The following SNTG2 variants were observed in gnomAD, a reference collection of about 807,000 sequenced individuals.
SNTG2 encodes syntrophin gamma 2, also known as gamma-2-syntrophin.
SNTG2 carries 74 observed loss-of-function variants against 70.9 expected under a neutral mutation model. The ratio of observed to expected loss-of-function variants is 1.04; its 90% CI spans 0.86 to 1.27. The LOEUF (loss-of-function observed/expected upper bound fraction) is 1.27. SNTG2 is among the 50% of genes most tolerant of loss of function. SNTG2 has a pLI of 0.00. For synonymous variants in SNTG2, 278 were observed against 273.8 expected (o/e 1.02, Z -0.15); for missense variants, 717 against 690.7 (o/e 1.04, Z -0.43).
At chr2:1,255,878 A>ATAAATG in intron 12 of SNTG2, among the ~76,000 whole-genome samples, 1 of 75,018 alleles carries the variant, frequency 1.3e-5, no homozygotes, top group Non-Finnish European at 2.4e-5. Flanking sequence ...ATATAAATAT[A>ATAAATG]TATATAAATA....
chr2:1,209,282 T>G (rs1307922674), intron 9 of SNTG2, 52 bp downstream of exon 9: 1 of 1,609,928 alleles, frequency 6.2e-7, no homozygotes, highest in African/African-American at 1.3e-5. Flanking sequence ...CGTGCACTTT[T>G]GCCAGTTCCT....
chr2:1,186,810 A>G (rs1232115980), intron 8 of SNTG2, among the ~76,000 whole-genome samples: 1 of 152,204 alleles, frequency 6.6e-6, no homozygotes, highest in Non-Finnish European at 1.5e-5. Context: ...ACAAATCCAA[A>G]CCATATTAAT....
intron 14 of SNTG2, among the ~76,000 whole-genome samples, chr2:1,302,766 T>C (rs1384067705): frequency 2.6e-5 from 4 of 151,982 alleles, no homozygotes; most frequent in Admixed American, 2.6e-4. Flanking sequence ...AAGGTAACCA[T>C]GTAGATGGTT....
At chr2:1,121,950 A>G (rs545616569) in intron 4 of SNTG2, among the ~76,000 whole-genome samples, 14 of 152,362 alleles carry the variant, frequency 9.2e-5, no homozygotes, top group Admixed American at 4.6e-4. Flanking sequence ...CTCAGAAATG[A>G]AAGGATCATA....
At chr2:985,368 C>T (rs1377092965) in intron 1 of SNTG2, among the ~76,000 whole-genome samples, 1 of 151,954 alleles carries the variant, frequency 6.6e-6, no homozygotes, top group Non-Finnish European at 1.5e-5. Context: ...AAGATATTTT[C>T]TTCCTCTAAA....
chr2:1,286,375 G>T (rs1189531852), intron 14 of SNTG2, among the ~76,000 whole-genome samples: 2 of 152,166 alleles, frequency 1.3e-5, no homozygotes, highest in East Asian at 3.9e-4. Context: ...GCAAAGTATT[G>T]TCACCTAGTT....
intron 10 of SNTG2, 28 bp downstream of exon 10, chr2:1,238,045 G>C: frequency 6.3e-7 from 1 of 1,588,902 alleles, no homozygotes; most frequent in Non-Finnish European, 8.6e-7. Context: ...CTGAGTCTCT[G>C]CTGATGCTCA....
Position 1,165,604 on chromosome 2 carries a change from G to A in SNTG2, c.468G>A (p.Arg156=), listed in dbSNP as rs61744694. Residue 156 remains arginine (R), a synonymous_variant, in exon 7 of 17, where the codon AGG becomes AGA. Coordinates refer to ENST00000308624, the MANE Select transcript of SNTG2 (RefSeq NM_018968.4). ...DEVTITVEYL[R]EAPAFLKLPL... is the part of the protein sequence containing the mutation. ...TTACCATCACCGTTGAGTATCTCAG[G>A]GAAGCGCCGGCATTTCTGAAGCTCC... The A allele has an allele frequency of 1.8e-3, 2,855 of 1,613,060 alleles. 48 individuals carry two copies. The African/African-American group carries it at 0.031, about 18-fold the overall frequency.
intron 16 of SNTG2, among the ~76,000 whole-genome samples, chr2:1,324,398 G>A (rs1447059718): frequency 6.6e-6 from 1 of 152,076 alleles, no homozygotes; most frequent in Non-Finnish European, 1.5e-5. Flanking sequence ...AATTTGAAGA[G>A]TAGAAATATA....
chr2:1,197,128 TA>T (rs1672957242), intron 8 of SNTG2, among the ~76,000 whole-genome samples: 2 of 152,086 alleles, frequency 1.3e-5, no homozygotes, highest in African/African-American at 4.8e-5. Flanking sequence ...ATAACTACCT[TA>T]AATGTAAATG....
intron 14 of SNTG2, among the ~76,000 whole-genome samples, chr2:1,289,647 A>G (rs564051257): frequency 2.4e-4 from 37 of 152,310 alleles, no homozygotes; most frequent in African/African-American, 8.4e-4. Flanking sequence ...GTGGTGAAAT[A>G]TACATCACAT....
chr2:1,213,415 T>C (rs1674174921), intron 9 of SNTG2, among the ~76,000 whole-genome samples: 2 of 152,190 alleles, frequency 1.3e-5, no homozygotes, highest in Admixed American at 1.3e-4. Context: ...TCACAAAATA[T>C]CACCAAACTT....
At chr2:1,256,861 C>G (rs933198904) in intron 12 of SNTG2, among the ~76,000 whole-genome samples, 1 of 151,998 alleles carries the variant, frequency 6.6e-6, no homozygotes, top group South Asian at 2.1e-4. Flanking sequence ...AGACCTGCCA[C>G]GGCTGTCAGG....
chr2:1,243,332 T>C (rs1409584760), intron 11 of SNTG2, among the ~76,000 whole-genome samples: 1 of 151,618 alleles, frequency 6.6e-6, no homozygotes, highest in Non-Finnish European at 1.5e-5. Flanking sequence ...GGAAGGGAGG[T>C]GGGTGTACAG....
intron 6 of SNTG2, among the ~76,000 whole-genome samples, chr2:1,154,375 A>T (rs1163235082): frequency 1.3e-5 from 2 of 152,246 alleles, no homozygotes; most frequent in Non-Finnish European, 2.9e-5. Context: ...CAAAGCACAC[A>T]GCTTTCTGTC....
intron 14 of SNTG2, among the ~76,000 whole-genome samples, chr2:1,296,546 C>T (rs1680226048): frequency 6.6e-6 from 1 of 152,226 alleles, no homozygotes; most frequent in South Asian, 2.1e-4. Flanking sequence ...TCTTATCAGT[C>T]CCCCACAGAG....
chr2:1,358,906 A>G (rs1660997467), intron 16 of SNTG2, among the ~76,000 whole-genome samples: 1 of 152,078 alleles, frequency 6.6e-6, no homozygotes, highest in Non-Finnish European at 1.5e-5. Context: ...TATCTGGTTG[A>G]TCTAAGACTT....
intron 14 of SNTG2, among the ~76,000 whole-genome samples, chr2:1,271,309 T>C (rs575335238): frequency 6.2e-4 from 94 of 152,142 alleles, no homozygotes; most frequent in Non-Finnish European, 1.2e-3. Flanking sequence ...ATTTTTTCCT[T>C]TTTATTGAAA....
At chr2:1,049,746 T>A (rs1661948887) in intron 1 of SNTG2, among the ~76,000 whole-genome samples, 1 of 152,228 alleles carries the variant, frequency 6.6e-6, no homozygotes, top group Non-Finnish European at 1.5e-5. Context: ...CTGTACCATT[T>A]TGCATTCTCA....
Sources: gnomAD v4.1 joint callset for allele counts (sites outside exome capture counted in the v4.1 genomes callset) on GRCh38, gnomAD v4.1.1 for gene constraint, MANE v1.5 for transcripts, NCBI Gene and HGNC (gene_info 2026-07-23, HGNC 2026-07-21) for gene names.